The following HPSE2 variants were observed in gnomAD, a reference collection of about 807,000 sequenced individuals.
HPSE2 encodes heparanase 2 (inactive).
A neutral mutation model predicts 60.5 loss-of-function variants in HPSE2; 38 were observed. The ratio of observed to expected loss-of-function variants is 0.63; its 90% CI spans 0.48 to 0.82. HPSE2 has a LOEUF of 0.82. Among genes scored for constraint, HPSE2 ranks in the 40% least tolerant of loss-of-function variants. The pLI is 0.00. For synonymous variants in HPSE2, 295 were observed against 293.2 expected, an observed-to-expected ratio of 1.01 and a Z score of -0.06; for missense variants, 713 against 740.4, an observed-to-expected ratio of 0.96 and a Z score of 0.43.
intron 6 of HPSE2, among the ~76,000 whole-genome samples, chr10:98,681,178 CT>C (rs1947778516): frequency 6.6e-6 from 1 of 151,714 alleles, no homozygotes; most frequent in Non-Finnish European, 1.5e-5. Context: ...ACAAAGTGAG[CT>C]TGTCGAGAAA....
chr10:99,058,883 C>T (rs1958172269), intron 3 of HPSE2, among the ~76,000 whole-genome samples: 1 of 152,130 alleles, frequency 6.6e-6, no homozygotes, highest in African/African-American at 2.4e-5. Context: ...CAGTCTGCTA[C>T]CCACCTTTTT....
At chr10:98,778,785 A>G (rs1950403794) in intron 3 of HPSE2, among the ~76,000 whole-genome samples, 3 of 152,180 alleles carry the variant, frequency 2.0e-5, no homozygotes, top group African/African-American at 7.2e-5. Flanking sequence ...GATGATCTCC[A>G]ATGTTCATTT....
At chr10:98,758,460 T>C (rs562601380) in intron 3 of HPSE2, among the ~76,000 whole-genome samples, 30 of 152,202 alleles carry the variant, frequency 2.0e-4, no homozygotes, top group African/African-American at 6.5e-4. Context: ...ATCCAGAATA[T>C]ATAAGGAACT....
intron 3 of HPSE2, among the ~76,000 whole-genome samples, chr10:98,780,369 A>G (rs1950437215): frequency 6.6e-6 from 1 of 152,170 alleles, no homozygotes; most frequent in African/African-American, 2.4e-5. Context: ...AAGGTATTTC[A>G]TTTGTACTTA....
At chr10:98,565,234 T>C (rs111635629) in intron 9 of HPSE2, among the ~76,000 whole-genome samples, 3,566 of 152,122 alleles carry the variant, frequency 0.023, 104 homozygotes, top group Non-Finnish European at 0.028. Context: ...GGTATACATG[T>C]GCCATGGTGG....
chr10:98,681,391 A>G (rs1947783906), intron 6 of HPSE2, among the ~76,000 whole-genome samples: 1 of 152,194 alleles, frequency 6.6e-6, no homozygotes, highest in Non-Finnish European at 1.5e-5. Flanking sequence ...GAACATCTTT[A>G]TAACTCATAA....
the HPSE2 span, among the ~76,000 whole-genome samples, chr10:99,302,192 T>C: frequency 6.6e-6 from 1 of 152,108 alleles, no homozygotes; most frequent in Non-Finnish European, 1.5e-5. Context: ...AACTAATTGC[T>C]TTATTAATCG....
rs1332621005 is a variant in HPSE2 at position 98,688,473 on chromosome 10, TTTTC to T, written c.1004+5423_1004+5426del. ...AATTTCCTTTAGCATTTCTTTTTTT[TTTTC>T]TTTTTTTTTTTTTTTTGAGGCAGAA... is the stretch of plus-strand genomic sequence containing the variant. On this transcript the variant is annotated intron_variant, in intron 6 of 11. Coordinates refer to ENST00000370552, the MANE Select transcript of HPSE2 (RefSeq NM_021828.5). Among the ~76,000 whole-genome samples, 77 of 126,564 alleles carry T rather than the reference TTTTC, an allele frequency of 6.1e-4. 6 individuals carry two copies. Among genetic ancestry groups the T allele is most frequent in the East Asian group, 1.7e-3 (7 of 4,128 alleles). 83.0% of individuals were successfully genotyped at this position (126,564 alleles called of 152,430 possible).
chr10:98,461,162 A>G (rs1346046278), intron 11 of HPSE2, among the ~76,000 whole-genome samples: 1 of 152,272 alleles, frequency 6.6e-6, no homozygotes, highest in African/African-American at 2.4e-5. Context: ...GAGAGAGATA[A>G]TCAGACCCAT....
chr10:98,759,629 CT>C (rs1439453112), intron 3 of HPSE2, among the ~76,000 whole-genome samples: 2 of 152,030 alleles, frequency 1.3e-5, no homozygotes, highest in Non-Finnish European at 2.9e-5. Context: ...GCTGGGTTCT[CT>C]GTTCTGTTAC....
chr10:98,809,520 A>G (rs1565179238), intron 3 of HPSE2, among the ~76,000 whole-genome samples: 4 of 149,138 alleles, frequency 2.7e-5, no homozygotes, highest in African/African-American at 1.0e-4. Flanking sequence ...GTATGTGTTT[A>G]TGTGTATATA....
Position 98,942,028 on chromosome 10 carries a change from G to T in HPSE2, c.611-197972C>A, listed in dbSNP as rs1313900231. Among the ~76,000 whole-genome samples, 102 of 142,560 alleles carry T rather than the reference G, an allele frequency of 7.2e-4. 2 individuals are homozygous for T. Among genetic ancestry groups the T allele is most frequent in the Middle Eastern group, 3.6e-3 (1 of 276 alleles). 93.5% of individuals were successfully genotyped at this position (142,560 alleles called of 152,430 possible). A position where few individuals can be genotyped will look rare whatever the true frequency, so the allele number is the denominator to read the frequency against. ...GTGCTGGGAAAACTGGCTAGCCATA[G>T]GTAGAAAGCTGAAACTGGATCCCAT... On this transcript the variant is annotated intron_variant, in intron 3 of 11. Coordinates refer to ENST00000370552, the MANE Select transcript of HPSE2 (RefSeq NM_021828.5).
At chr10:98,751,319 C>T (rs137927305) in intron 3 of HPSE2, among the ~76,000 whole-genome samples, 2 of 152,202 alleles carry the variant, frequency 1.3e-5, no homozygotes, top group Non-Finnish European at 2.9e-5. Context: ...ACAACTGTTA[C>T]CTGGGAATTA....
chr10:98,511,555 G>GGGGT (rs1319662614), intron 9 of HPSE2, among the ~76,000 whole-genome samples: 1 of 140,734 alleles, frequency 7.1e-6, no homozygotes, highest in East Asian at 2.1e-4. Flanking sequence ...ACATAACTAT[G>GGGGT]GTGTGTGTGT....
At chr10:99,009,033 A>T (rs1956950429) in intron 3 of HPSE2, among the ~76,000 whole-genome samples, 1 of 152,240 alleles carries the variant, frequency 6.6e-6, no homozygotes, top group Admixed American at 6.5e-5. Context: ...GTTGAGGGGA[A>T]TTATGAAAAT....
chr10:98,838,021 C>G (rs1951831233), intron 3 of HPSE2, among the ~76,000 whole-genome samples: 1 of 152,084 alleles, frequency 6.6e-6, no homozygotes, highest in Non-Finnish European at 1.5e-5. Flanking sequence ...ATTCTGCATG[C>G]TTGAAATATT....
At chr10:98,926,389 T>G (rs1954463463) in intron 3 of HPSE2, among the ~76,000 whole-genome samples, 1 of 152,100 alleles carries the variant, frequency 6.6e-6, no homozygotes, top group African/African-American at 2.4e-5. Flanking sequence ...AGAGCTCAAC[T>G]GAGGGAAGGT....
chr10:99,210,459 T>C (rs915196509), intron 2 of HPSE2, among the ~76,000 whole-genome samples: 5 of 152,142 alleles, frequency 3.3e-5, no homozygotes, highest in Non-Finnish European at 7.4e-5. Flanking sequence ...CAGACGATGA[T>C]ACTACAAGAA....
intron 3 of HPSE2, among the ~76,000 whole-genome samples, chr10:98,904,117 T>C (rs1953742636): frequency 6.6e-6 from 1 of 152,194 alleles, no homozygotes; most frequent in Non-Finnish European, 1.5e-5. Flanking sequence ...TACACTGTGA[T>C]ATATCGATAT....
Sources: allele counts gnomAD v4.1 joint callset (sites outside exome capture counted in the v4.1 genomes callset), GRCh38; gene constraint gnomAD v4.1.1; transcripts MANE v1.5; gene names NCBI Gene and HGNC (gene_info 2026-07-23, HGNC 2026-07-21).